The following LIN52 variants were observed in gnomAD, a reference collection of about 807,000 sequenced individuals.
LIN52 encodes protein lin-52 homolog.
In LIN52, 4 loss-of-function variants were observed where a neutral mutation model predicts 18.5. The ratio of observed to expected loss-of-function variants is 0.22; its 90% CI spans 0.11 to 0.49. The LOEUF is 0.49. LIN52 is among the 20% of genes least tolerant of loss of function. LIN52 has a pLI of 0.97. For synonymous variants in LIN52, 34 were observed against 45.5 expected, an observed-to-expected ratio of 0.75 and a Z score of 1.02; for missense variants, 102 against 139.5, an observed-to-expected ratio of 0.73 and a Z score of 1.35.
intron 5 of LIN52, among the ~76,000 whole-genome samples, chr14:74,119,664 C>T (rs1028740738): frequency 3.3e-5 from 5 of 152,078 alleles, no homozygotes; most frequent in African/African-American, 1.2e-4. Context: ...AACTTCTAGT[C>T]GTTCTAATAA....
intron 5 of LIN52, among the ~76,000 whole-genome samples, chr14:74,161,268 C>T (rs564772899): frequency 6.6e-6 from 1 of 152,224 alleles, no homozygotes; most frequent in South Asian, 2.1e-4. Context: ...TCACTGCAAC[C>T]TCCGCCTCCT....
intron 5 of LIN52, among the ~76,000 whole-genome samples, chr14:74,185,544 A>G (rs1385439805): frequency 6.6e-6 from 1 of 151,480 alleles, no homozygotes; most frequent in Non-Finnish European, 1.5e-5. Context: ...CAATCTCCTG[A>G]CCTCGTGATC....
chr14:74,191,074 T>C (rs751360287), intron 5 of LIN52, among the ~76,000 whole-genome samples: 8 of 151,914 alleles, frequency 5.3e-5, no homozygotes, highest in Non-Finnish European at 1.2e-4. Context: ...TGGAGTGTGG[T>C]GAAGAGTCAG....
chr14:74,167,769 C>G (rs981351100), intron 5 of LIN52, among the ~76,000 whole-genome samples: 2 of 152,160 alleles, frequency 1.3e-5, no homozygotes, highest in Non-Finnish European at 2.9e-5. Context: ...CTCTTGAACT[C>G]AAGCAGTCCT....
At chr14:74,096,102 C>A (rs959847001) in intron 3 of LIN52, 117 bp downstream of exon 3, 5 of 677,846 alleles carry the variant, frequency 7.4e-6, no homozygotes, top group Non-Finnish European at 1.2e-5. Flanking sequence ...CACTCTTCGC[C>A]CAGGCTGGAG....
At chr14:74,183,192 G>A (rs2061326538) in intron 5 of LIN52, among the ~76,000 whole-genome samples, 1 of 151,698 alleles carries the variant, frequency 6.6e-6, no homozygotes, top group African/African-American at 2.4e-5. Flanking sequence ...TCATCTCCCG[G>A]GTTCACGCTA....
intron 5 of LIN52, among the ~76,000 whole-genome samples, chr14:74,195,445 A>G (rs2078906164): frequency 6.6e-6 from 1 of 152,150 alleles, no homozygotes; most frequent in Non-Finnish European, 1.5e-5. Context: ...ATCTCTAAAG[A>G]TTTTTCCCCA....
At chr14:74,167,220 T>A (rs186616423) in intron 5 of LIN52, among the ~76,000 whole-genome samples, 38 of 151,560 alleles carry the variant, frequency 2.5e-4, no homozygotes, top group African/African-American at 9.2e-4. Flanking sequence ...GAGACAAATG[T>A]TCCTGGAGAC....
chr14:74,162,441 T>C, intron 5 of LIN52, among the ~76,000 whole-genome samples: 1 of 121,558 alleles, frequency 8.2e-6, no homozygotes, highest in South Asian at 2.6e-4. Flanking sequence ...GCCACTGTAC[T>C]CCAGCCTGAG....
chr14:74,101,812 C>A (rs1386448721), intron 5 of LIN52, among the ~76,000 whole-genome samples: 1 of 152,128 alleles, frequency 6.6e-6, no homozygotes, highest in Admixed American at 6.6e-5. Context: ...GTTATTATCT[C>A]ATTTTTAAAT....
intron 5 of LIN52, among the ~76,000 whole-genome samples, chr14:74,143,515 C>T (rs2061141160): frequency 6.6e-6 from 1 of 152,190 alleles, no homozygotes. Flanking sequence ...GATTGCTCCA[C>T]TGCACTCCAG....
chr14:74,169,377 C>T (rs188737768), intron 5 of LIN52, among the ~76,000 whole-genome samples: 2 of 152,290 alleles, frequency 1.3e-5, no homozygotes, highest in Non-Finnish European at 2.9e-5. Context: ...GAGTTACCTT[C>T]CTTTTCTGTG....
chr14:74,126,055 T>C (rs199808636), intron 5 of LIN52, among the ~76,000 whole-genome samples: 1 of 118,178 alleles, frequency 8.5e-6, no homozygotes, highest in Admixed American at 8.8e-5. Flanking sequence ...AAAAAAGAAA[T>C]GAGCAAAGGA....
At chr14:74,137,234 T>C (rs1396692597) in intron 5 of LIN52, among the ~76,000 whole-genome samples, 4 of 150,334 alleles carry the variant, frequency 2.7e-5, no homozygotes, top group African/African-American at 9.7e-5. Flanking sequence ...GAAGTAAATT[T>C]CAGACATCAT....
At chr14:74,130,553 C>T (rs1385933570) in intron 5 of LIN52, among the ~76,000 whole-genome samples, 2 of 149,204 alleles carry the variant, frequency 1.3e-5, no homozygotes, top group Admixed American at 6.7e-5. Flanking sequence ...GCTGAGATTA[C>T]AGGCATGAGC....
intron 5 of LIN52, among the ~76,000 whole-genome samples, chr14:74,144,028 C>T (rs1481283924): frequency 6.6e-6 from 1 of 151,864 alleles, no homozygotes; most frequent in Non-Finnish European, 1.5e-5. Context: ...TGAGTGAGAT[C>T]ATGGCAGTAT....
At chr14:74,129,881 C>A (rs947165807) in intron 5 of LIN52, among the ~76,000 whole-genome samples, 3 of 152,056 alleles carry the variant, frequency 2.0e-5, no homozygotes, top group Non-Finnish European at 4.4e-5. Flanking sequence ...AAAGACATAC[C>A]CCAGACTGGG....
intron 5 of LIN52, among the ~76,000 whole-genome samples, chr14:74,172,489 T>C (rs1362537718): frequency 6.6e-6 from 1 of 152,228 alleles, no homozygotes; most frequent in Non-Finnish European, 1.5e-5. Flanking sequence ...GAAATGTTAA[T>C]AATTATGGTT....
chr14:74,138,950 T>C (rs1424100402), intron 5 of LIN52, among the ~76,000 whole-genome samples: 2 of 135,802 alleles, frequency 1.5e-5, no homozygotes, highest in South Asian at 2.5e-4. Context: ...TTTTTTTTTT[T>C]CAACAAAAAG....
Sources: allele counts gnomAD v4.1 joint callset (sites outside exome capture counted in the v4.1 genomes callset), GRCh38; gene constraint gnomAD v4.1.1; transcripts MANE v1.5; gene names NCBI Gene and HGNC (gene_info 2026-07-23, HGNC 2026-07-21).